The following MARCHF1 variants were observed in gnomAD, a reference collection of about 807,000 sequenced individuals.
MARCHF1 encodes the protein E3 ubiquitin-protein ligase MARCHF1.
In MARCHF1, 40 loss-of-function variants were observed where a neutral mutation model predicts 54.2. The observed-to-expected ratio is 0.74, with a 90% CI of 0.57 to 0.96. The LOEUF (loss-of-function observed/expected upper bound fraction) is 0.96, where lower values mean the gene tolerates loss of function less well. Among genes scored for constraint, MARCHF1 ranks in the 40% least tolerant of loss-of-function variants. The probability of loss-of-function intolerance (pLI) is 0.00; values close to 1 mark genes in which losing one functional copy is unlikely to be tolerated. For missense variants in MARCHF1, 586 were observed against 656.5 expected, an observed-to-expected ratio of 0.89 and a Z score of 1.17; for synonymous variants, 236 against 236.3, an observed-to-expected ratio of 1.00 and a Z score of 0.01.
chr4:164,242,325 C>A (rs894144185), intron 1 of MARCHF1, among the ~76,000 whole-genome samples: 1 of 146,484 alleles, frequency 6.8e-6, no homozygotes, highest in Non-Finnish European at 1.5e-5. Flanking sequence ...TGACCCCTGA[C>A]CCCCGAGCAG....
chr4:164,209,975 A>G (rs1010336347), intron 1 of MARCHF1, among the ~76,000 whole-genome samples: 1 of 152,200 alleles, frequency 6.6e-6, no homozygotes, highest in African/African-American at 2.4e-5. Flanking sequence ...GAGTTATTTG[A>G]ATAAACATCT....
intron 9 of MARCHF1, 72 bp downstream of exon 9, chr4:163,545,524 A>G (rs1355115367): frequency 4.7e-6 from 7 of 1,482,134 alleles, no homozygotes; most frequent in Non-Finnish European, 6.4e-6. Context: ...AACCTGGGGA[A>G]ATAACTTCCC....
intron 1 of MARCHF1, among the ~76,000 whole-genome samples, chr4:164,322,133 A>G (rs886869567): frequency 1.3e-5 from 2 of 152,086 alleles, no homozygotes; most frequent in Non-Finnish European, 2.9e-5. Flanking sequence ...AGTTTCTTTT[A>G]GAGAAAATGG....
intron 1 of MARCHF1, among the ~76,000 whole-genome samples, chr4:164,325,639 G>A (rs1448216349): frequency 6.6e-6 from 1 of 151,978 alleles, no homozygotes; most frequent in Non-Finnish European, 1.5e-5. Context: ...TGAGGCAGGA[G>A]AATCGCTTGA....
chr4:163,581,353 T>G (rs1316110738), intron 8 of MARCHF1, among the ~76,000 whole-genome samples: 1 of 152,212 alleles, frequency 6.6e-6, no homozygotes. Context: ...GAATTCAGTA[T>G]GTGGTGGTCA....
At chr4:164,218,201 G>A (rs2111139822) in intron 1 of MARCHF1, among the ~76,000 whole-genome samples, 1 of 152,228 alleles carries the variant, frequency 6.6e-6, no homozygotes, top group South Asian at 2.1e-4. Flanking sequence ...AGAAGTATCA[G>A]GAGGTAATGG....
At chr4:164,291,736 A>C (rs573672212) in intron 1 of MARCHF1, among the ~76,000 whole-genome samples, 1 of 152,162 alleles carries the variant, frequency 6.6e-6, no homozygotes, top group South Asian at 2.1e-4. Flanking sequence ...AGTAGTAGGA[A>C]TTTGCATATC....
rs1727704436 is a variant in MARCHF1 at position 163,527,421 on chromosome 4, C to T, written c.*1327G>A. On this transcript the variant is annotated 3_prime_UTR_variant, in exon 10 of 10. Transcript: ENST00000514618. ...CCTCATATGGATGAAATAAGCCTTA[C>T]ACATTTGATTTAATAACAAAAATAG... 6.6e-6 allele frequency: 1 copy of T among 152,072 alleles called. No individual in the cohort carries two copies. The highest frequency in any genetic ancestry group is 1.5e-5 in the Non-Finnish European group (1 of 67,952). 9.4% of individuals were successfully genotyped at this position (152,072 alleles called of 1,614,324 possible).
chr4:164,015,835 T>C (rs1238073948), intron 2 of MARCHF1, among the ~76,000 whole-genome samples: 2 of 151,620 alleles, frequency 1.3e-5, no homozygotes. Flanking sequence ...GAGCCCTTTA[T>C]ACGCTGTTGG....
chr4:164,079,262 AT>A (rs1222556132), intron 2 of MARCHF1, among the ~76,000 whole-genome samples: 4 of 152,258 alleles, frequency 2.6e-5, no homozygotes, highest in Admixed American at 6.5e-5. Flanking sequence ...TGGTTATACT[AT>A]TTCTGGAAGA....
intron 1 of MARCHF1, among the ~76,000 whole-genome samples, chr4:164,150,383 A>G (rs2052972): frequency 0.19 from 28,983 of 152,144 alleles, 4,399 homozygotes; most frequent in African/African-American, 0.41. Flanking sequence ...GTCACTGCAT[A>G]TAAACCCCTC....
chr4:163,560,033 A>T (rs1383542446), intron 8 of MARCHF1, among the ~76,000 whole-genome samples: 1 of 152,218 alleles, frequency 6.6e-6, no homozygotes, highest in Non-Finnish European at 1.5e-5. Flanking sequence ...TGGCTTGTCA[A>T]TTTATCTTAA....
chr4:164,170,000 C>T (rs1730480822), intron 1 of MARCHF1, among the ~76,000 whole-genome samples: 1 of 152,238 alleles, frequency 6.6e-6, no homozygotes, highest in Non-Finnish European at 1.5e-5. Context: ...ACTCTTACTG[C>T]TCTCTGTACT....
At chr4:164,250,674 A>C (rs1298079508) in intron 1 of MARCHF1, among the ~76,000 whole-genome samples, 1 of 152,132 alleles carries the variant, frequency 6.6e-6, no homozygotes, top group Non-Finnish European at 1.5e-5. Context: ...CTCATAAAAC[A>C]TGATAAATTT....
intron 4 of MARCHF1, among the ~76,000 whole-genome samples, chr4:163,846,461 C>T (rs1165615146): frequency 6.6e-6 from 1 of 151,952 alleles, no homozygotes; most frequent in Non-Finnish European, 1.5e-5. Context: ...TTGTAATAGA[C>T]TAAAAGTAGA....
intron 5 of MARCHF1, among the ~76,000 whole-genome samples, chr4:163,678,634 A>G (rs554500228): frequency 6.6e-6 from 1 of 152,312 alleles, no homozygotes; most frequent in African/African-American, 2.4e-5. Context: ...TGTGTGAGTT[A>G]TGTGGCATAA....
At chr4:164,154,629 G>T (rs1280678651) in intron 1 of MARCHF1, among the ~76,000 whole-genome samples, 1 of 152,184 alleles carries the variant, frequency 6.6e-6, no homozygotes, top group Non-Finnish European at 1.5e-5. Context: ...GAAATGAGGG[G>T]AGCTCTTTTG....
rs374827461 is a variant in MARCHF1 at position 163,639,471 on chromosome 4, T to C, written c.163-26078A>G. Among the ~76,000 whole-genome samples, 19 of 152,276 alleles carry C rather than the reference T, an allele frequency of 1.2e-4. No homozygotes were observed. In the East Asian group the frequency reaches 1.7e-3, roughly 14 times the overall value. Reference sequence around the variant, plus strand: ...TTTTATAATGAGTAAAGCAAGGAGTTTCCAACACATGTTCTTTATTATATT... The same window carrying C: ...TTTTATAATGAGTAAAGCAAGGAGTCTCCAACACATGTTCTTTATTATATT... On this transcript the variant is annotated intron_variant, in intron 5 of 9. Coordinates refer to ENST00000514618, the MANE Select transcript of MARCHF1 (RefSeq NM_001394959.1).
At chr4:164,027,363 A>T (rs1024429856) in intron 2 of MARCHF1, among the ~76,000 whole-genome samples, 1 of 82,016 alleles carries the variant, frequency 1.2e-5, no homozygotes, top group Non-Finnish European at 2.2e-5. Flanking sequence ...TGGTACAGGT[A>T]AAAAAAAAAA....
Sources: allele counts gnomAD v4.1 joint callset (sites outside exome capture counted in the v4.1 genomes callset), GRCh38; gene constraint gnomAD v4.1.1; transcripts MANE v1.5; gene names NCBI Gene and HGNC (gene_info 2026-07-23, HGNC 2026-07-21).